Variants in ZNF106 observed in about 807,000 individuals in gnomAD.
The protein encoded by ZNF106 is SH3-domain binding protein 3.
Under a neutral mutation model 195.1 loss-of-function variants are expected in ZNF106, and 67 were observed. The ratio of observed to expected loss-of-function variants is 0.34; its 90% CI spans 0.28 to 0.42. ZNF106 has a LOEUF of 0.42. Ranked by LOEUF, ZNF106 falls within the 10% of genes least tolerant of loss-of-function variation. The pLI is 1.00. For missense variants in ZNF106, 2,118 were observed against 2,304.5 expected, an observed-to-expected ratio of 0.92 and a Z score of 1.66; for synonymous variants, 784 against 818.6, an observed-to-expected ratio of 0.96 and a Z score of 0.72.
intron 14 of ZNF106, among the ~76,000 whole-genome samples, chr15:42,433,472 GTTCTTTTTTTTTTCTT>G (rs1390688901): frequency 7.4e-6 from 1 of 135,276 alleles, no homozygotes; most frequent in African/African-American, 3.0e-5. Context: ...TCTTTGCATT[GTTCTTTTTTTTTTCTT>G]TTCTTTTTTT....
At chr15:42,455,503 T>G (rs1378249307) in intron 4 of ZNF106, among the ~76,000 whole-genome samples, 2 of 152,200 alleles carry the variant, frequency 1.3e-5, no homozygotes. Flanking sequence ...TTTACTGATA[T>G]TTTAAGATGA....
At chr15:42,453,903 A>G (rs2056137530) in intron 4 of ZNF106, among the ~76,000 whole-genome samples, 1 of 152,164 alleles carries the variant, frequency 6.6e-6, no homozygotes, top group South Asian at 2.1e-4. Context: ...TTCCTACTTT[A>G]TAGATGAGAA....
Position 42,442,397 on chromosome 15 carries a change from C to G in ZNF106, c.3439G>C (p.Glu1147Gln). Reference protein sequence around the residue: ...QGLQETYEPSEHPDQVPCSLT... With the variant: ...QGLQETYEPSQHPDQVPCSLT... ...CTACAGGGAACCTGGTCTGGGTGCTCAGAAGGTTCATATGTTTCTAGAATG... is the reference window on the plus strand; with the variant it reads ...CTACAGGGAACCTGGTCTGGGTGCTGAGAAGGTTCATATGTTTCTAGAATG... Residue 1147 changes from glutamate to glutamine, a missense_variant, in exon 10 of 22, where the codon GAG (glutamate) becomes CAG (glutamine). Coordinates refer to ENST00000564754, the MANE Select transcript of ZNF106 (RefSeq NM_001366845.3). 1.9e-6 allele frequency: 3 copies of G among 1,612,674 alleles called. No individual in the cohort carries two copies. Among genetic ancestry groups the G allele is most frequent in the South Asian group, 2.2e-5 (2 of 91,024 alleles).
intron 14 of ZNF106, among the ~76,000 whole-genome samples, chr15:42,429,677 G>A (rs1355653765): frequency 6.6e-6 from 1 of 151,894 alleles, no homozygotes; most frequent in African/African-American, 2.4e-5. Context: ...TGCCATATAT[G>A]AAATTGTAAG....
chr15:42,464,655 T>A lies in ZNF106; in HGVS notation c.116+1398A>T, dbSNP rs561018688. Among the ~76,000 whole-genome samples, 8 of 151,102 alleles carry A rather than the reference T, an allele frequency of 5.3e-5. No individual in the cohort carries two copies. The South Asian group carries it at 1.5e-3, about 28-fold the overall frequency. On this transcript the variant is annotated intron_variant, in intron 3 of 21. Coordinates refer to ENST00000564754, the MANE Select transcript of ZNF106 (RefSeq NM_001366845.3). The stretch of plus-strand genomic sequence containing the variant: ...CATCCTCCCACCTCAGGCTGATGAG[T>A]AGCTGGGACTACAGGCACATACCAC...
intron 10 of ZNF106, 97 bp downstream of exon 10, chr15:42,441,976 T>TAAAAC: frequency 5.4e-6 from 5 of 926,076 alleles, no homozygotes; most frequent in Non-Finnish European, 8.1e-6. Context: ...ACTTGCTCAT[T>TAAAAC]TTAGTTTTAA....
Position 42,421,114 on chromosome 15 carries a change from C to G in ZNF106, c.5464G>C (p.Asp1822His). ...HKSMIYTGCY[D>H]GSIQAVRLNL... ...AGCCTCACGGCCTGAATACTGCCAT[C>G]ATAACAGCCAGTGTAAATCTGGAGA... Residue 1822 changes from aspartate to histidine, a missense_variant, in exon 20 of 22, where the codon GAT becomes CAT. By Grantham distance (81) the Asp-to-His change is moderately conservative. Transcript: ENST00000564754. 6.2e-7 allele frequency: 1 copy of G among 1,614,128 alleles called. No individual in the cohort carries two copies. Among genetic ancestry groups the G allele is most frequent in the Non-Finnish European group, 8.5e-7 (1 of 1,180,036 alleles).
chr15:42,422,721 C>T (rs2054711582), intron 17 of ZNF106, 101 bp from the exon 18 acceptor site: 1 of 1,228,256 alleles, frequency 8.1e-7, no homozygotes, highest in Non-Finnish European at 1.1e-6. Flanking sequence ...GGATACTGTA[C>T]ACATATAATT....
intron 17 of ZNF106, 81 bp from the exon 18 acceptor site, chr15:42,422,701 A>G: frequency 6.9e-7 from 1 of 1,455,970 alleles, no homozygotes; most frequent in African/African-American, 1.4e-5. Flanking sequence ...TCTAAGAGGC[A>G]TAATTCTGAG....
chr15:42,416,217 A>T lies in ZNF106; in HGVS notation c.*1087T>A, dbSNP rs1278911286. ...TCCCAGCTAGCAGGGAAGTGAAGGC[A>T]AAGAACTGTCTCAGAAACAAGTCTC... is the stretch of plus-strand genomic sequence containing the variant. On this transcript the variant is annotated 3_prime_UTR_variant, in exon 22 of 22. Coordinates refer to ENST00000564754, the MANE Select transcript of ZNF106 (RefSeq NM_001366845.3). The T allele has an allele frequency of 1.3e-5, 2 of 152,222 alleles. No individual in the cohort carries two copies. The highest frequency in any genetic ancestry group is 2.9e-5 in the Non-Finnish European group (2 of 68,068). 9.4% of individuals were successfully genotyped at this position (152,222 alleles called of 1,614,324 possible).
intron 4 of ZNF106, among the ~76,000 whole-genome samples, chr15:42,454,710 C>G (rs1595474414): frequency 6.6e-6 from 1 of 151,508 alleles, no homozygotes; most frequent in Non-Finnish European, 1.5e-5. Flanking sequence ...ATGGCTAAAC[C>G]CCATCTCTAC....
At position 42,441,785 on chromosome 15, in the gene ZNF106, C is replaced by T. The variant is rs556714623; in HGVS notation, c.3763+288G>A. ...TAACTTCAACCCCATTTATTTCACA[C>T]GAAACAAATTTTGTACTTATCCTAA... is the stretch of plus-strand genomic sequence containing the variant. On this transcript the variant is annotated intron_variant, in intron 10 of 21. Transcript: ENST00000564754. The T allele has an allele frequency of 3.5e-4, 80 of 229,410 alleles. No homozygotes were observed. The South Asian group carries it at 4.9e-3, about 14-fold the overall frequency. 14.2% of individuals were successfully genotyped at this position (229,410 alleles called of 1,614,324 possible). A position where few individuals can be genotyped will look rare whatever the true frequency, so the allele number is the denominator to read the frequency against.
At chr15:42,457,650 CG>C (rs894801229) in intron 3 of ZNF106, 103 of 563,684 alleles carry the variant, frequency 1.8e-4, no homozygotes, top group Middle Eastern at 1.9e-3. Flanking sequence ...GTAACTAAAT[CG>C]GAACAGCTGG....
intron 20 of ZNF106, 60 bp downstream of exon 20, chr15:42,421,001 A>G (rs1200575177): frequency 4.2e-6 from 6 of 1,437,346 alleles, no homozygotes; most frequent in East Asian, 2.3e-5. Flanking sequence ...AGATCTATCA[A>G]TTAGCCTAGG....
chr15:42,445,823 A>G (rs1292576253), intron 7 of ZNF106, among the ~76,000 whole-genome samples: 1 of 152,244 alleles, frequency 6.6e-6, no homozygotes, highest in Non-Finnish European at 1.5e-5. Context: ...ACTAGCCCTT[A>G]TACTAGAACT....
intron 19 of ZNF106, 96 bp downstream of exon 19, chr15:42,421,821 A>T (rs917125640): frequency 5.4e-6 from 5 of 927,884 alleles, no homozygotes; most frequent in Non-Finnish European, 8.0e-6. Flanking sequence ...CTTAACAATG[A>T]GGCATATCAG....
intron 1 of ZNF106, among the ~76,000 whole-genome samples, chr15:42,476,083 T>C (rs2056780510): frequency 6.6e-6 from 1 of 152,164 alleles, no homozygotes; most frequent in Non-Finnish European, 1.5e-5. Context: ...CTCTTTTTAG[T>C]TATTTTTTCC....
At chr15:42,484,641 C>T (rs989899355) in intron 1 of ZNF106, among the ~76,000 whole-genome samples, 2 of 152,148 alleles carry the variant, frequency 1.3e-5, no homozygotes, top group Non-Finnish European at 2.9e-5. Context: ...AGGAAGCTTA[C>T]GCACGAGAAT....
chr15:42,439,862 A>G lies in ZNF106; in HGVS notation c.3764-49T>C, dbSNP rs368571605. On this transcript the variant is annotated intron_variant, in intron 10 of 21. Coordinates refer to ENST00000564754, the MANE Select transcript of ZNF106 (RefSeq NM_001366845.3). ...TTGCATCCTTTTTTGTGTTTGCTGC[A>G]ATTTATCACTGACTGAAACTCTACC... is the stretch of plus-strand genomic sequence containing the variant. The G allele has an allele frequency of 6.8e-6, 10 of 1,471,688 alleles. No homozygotes were observed. In the African/African-American group the frequency reaches 7.1e-5, roughly 10 times the overall value. The allele number at this position is 1,471,688 out of a possible 1,614,324, so 91.2% of individuals were successfully genotyped here.
Sources: allele counts gnomAD v4.1 joint callset (sites outside exome capture counted in the v4.1 genomes callset), GRCh38; gene constraint gnomAD v4.1.1; transcripts MANE v1.5; gene names NCBI Gene and HGNC (gene_info 2026-07-23, HGNC 2026-07-21).